The following NCKAP5 variants were observed in gnomAD, a reference collection of about 807,000 sequenced individuals.
The protein encoded by NCKAP5 is NCK associated protein 5, also known as nck-associated protein 5.
In NCKAP5, 92 loss-of-function variants were observed where a neutral mutation model predicts 167.0. The observed-to-expected ratio is 0.55, with a 90% CI of 0.47 to 0.66. The LOEUF is 0.66. Among genes scored for constraint, NCKAP5 ranks in the 30% least tolerant of loss-of-function variants. The probability of loss-of-function intolerance (pLI) is 0.00; values close to 1 mark genes in which losing one functional copy is unlikely to be tolerated. For missense variants in NCKAP5, 2,378 were observed against 2,315.0 expected, an observed-to-expected ratio of 1.03 and a Z score of -0.56; for synonymous variants, 891 against 877.4, an observed-to-expected ratio of 1.02 and a Z score of -0.27.
At position 132,932,986 on chromosome 2, in the gene NCKAP5, A is replaced by G. The variant is rs554098967; in HGVS notation, c.579+30734T>C. Among the ~76,000 whole-genome samples the G allele has an allele frequency of 3.5e-5, 5 of 143,022 alleles. No homozygotes were observed. In the South Asian group the frequency reaches 6.7e-4, roughly 19 times the overall value. 93.8% of individuals were successfully genotyped at this position (143,022 alleles called of 152,430 possible). A position where few individuals can be genotyped will look rare whatever the true frequency, so the allele number is the denominator to read the frequency against. The stretch of plus-strand genomic sequence containing the variant: ...GTTGCCCAGGCTGGAGTGCAGTGGA[A>G]CGATCTCGGCTCACTGCAAGCTCCG... On this transcript the variant is annotated intron_variant, in intron 8 of 19. Transcript: ENST00000409261.
At chr2:133,227,456 T>A (rs1428154866) in intron 4 of NCKAP5, among the ~76,000 whole-genome samples, 1 of 152,204 alleles carries the variant, frequency 6.6e-6, no homozygotes, top group Non-Finnish European at 1.5e-5. Context: ...GGCTGCCCCA[T>A]TATTGGAGCA....
intron 11 of NCKAP5, among the ~76,000 whole-genome samples, chr2:132,830,705 G>T (rs16842050): frequency 0.17 from 25,356 of 152,118 alleles, 2,547 homozygotes; most frequent in East Asian, 0.29. Context: ...CCTTCTGACC[G>T]ATCACTTCCT....
At chr2:133,127,774 G>T (rs1341030454) in intron 6 of NCKAP5, among the ~76,000 whole-genome samples, 3 of 152,142 alleles carry the variant, frequency 2.0e-5, no homozygotes, top group Non-Finnish European at 4.4e-5. Context: ...TGGAGGGGTG[G>T]ATCTATTATT....
Position 133,224,076 on chromosome 2 carries a change from G to A in NCKAP5, c.144-10297C>T, listed in dbSNP as rs191574801. The stretch of plus-strand genomic sequence containing the variant: ...TTCTGGAGCTCCTGGAAAATAAAAC[G>A]TAGCCCTCTACATCCTTATCCTATA... On this transcript the variant is annotated intron_variant, in intron 4 of 19. Transcript: ENST00000409261. Among the ~76,000 whole-genome samples the A allele has an allele frequency of 1.2e-3, 186 of 152,236 alleles. 1 individual carries two copies. Among genetic ancestry groups the A allele is most frequent in the African/African-American group, 3.9e-3 (162 of 41,560 alleles).
rs751937684 is a variant in NCKAP5 at position 132,782,491 on chromosome 2, G to A, written c.4320C>T (p.Ser1440=). ...CAGAAGTTTCTAGCTTGGATGTACT[G>A]CTTGTTTCAAAAGTGCTTGGATGCT... ...RTQHPSTFET[S]STSKLETSGR... Residue 1440 remains serine (S), a synonymous_variant, in exon 14 of 20, where the codon AGC becomes AGT. Coordinates refer to ENST00000409261, the MANE Select transcript of NCKAP5 (RefSeq NM_207363.3). 20 of 1,609,904 alleles carry A rather than the reference G, an allele frequency of 1.2e-5. No individual in the cohort carries two copies. Among genetic ancestry groups the A allele is most frequent in the Non-Finnish European group, 1.7e-5 (20 of 1,178,220 alleles).
At chr2:132,903,179 C>A (rs1693761246) in intron 8 of NCKAP5, among the ~76,000 whole-genome samples, 1 of 152,178 alleles carries the variant, frequency 6.6e-6, no homozygotes, top group Non-Finnish European at 1.5e-5. Flanking sequence ...GCTCCCACCC[C>A]CCTTGCCACA....
At chr2:133,231,888 T>C (rs1325040754) in intron 4 of NCKAP5, among the ~76,000 whole-genome samples, 1 of 152,238 alleles carries the variant, frequency 6.6e-6, no homozygotes, top group Non-Finnish European at 1.5e-5. Context: ...TTTAATTTTA[T>C]GCTAGTCATT....
intron 3 of NCKAP5, among the ~76,000 whole-genome samples, chr2:133,333,282 C>G (rs1296555652): frequency 6.6e-6 from 1 of 152,126 alleles, no homozygotes; most frequent in Non-Finnish European, 1.5e-5. Flanking sequence ...TTTTCTCCCT[C>G]TTTTTTAGAT....
the NCKAP5 span, among the ~76,000 whole-genome samples, chr2:133,623,428 A>G: frequency 6.6e-6 from 1 of 152,204 alleles, no homozygotes; most frequent in African/African-American, 2.4e-5. Flanking sequence ...TCCAGAATCC[A>G]CAAAGAACTC....
At chr2:132,927,974 T>C (rs1258743108) in intron 8 of NCKAP5, among the ~76,000 whole-genome samples, 2 of 152,186 alleles carry the variant, frequency 1.3e-5, no homozygotes, top group East Asian at 3.9e-4. Context: ...CCCTTTCACA[T>C]GTATAAAATA....
chr2:132,821,690 G>A (rs941641923), intron 11 of NCKAP5, among the ~76,000 whole-genome samples: 1 of 152,138 alleles, frequency 6.6e-6, no homozygotes, highest in Non-Finnish European at 1.5e-5. Flanking sequence ...CAAAGTGTGA[G>A]TGGGGAACTG....
chr2:133,382,478 C>T (rs995643958), intron 3 of NCKAP5, among the ~76,000 whole-genome samples: 1 of 152,148 alleles, frequency 6.6e-6, no homozygotes, highest in Non-Finnish European at 1.5e-5. Flanking sequence ...GATCTGACCG[C>T]TGTCTACGTC....
intron 4 of NCKAP5, among the ~76,000 whole-genome samples, chr2:133,230,973 G>C (rs966082295): frequency 6.6e-6 from 1 of 152,122 alleles, no homozygotes; most frequent in South Asian, 2.1e-4. Context: ...GTTTTTAGGG[G>C]ATGCTGCTGC....
intron 8 of NCKAP5, among the ~76,000 whole-genome samples, chr2:132,895,057 C>T (rs190107592): frequency 7.9e-5 from 12 of 152,178 alleles, no homozygotes; most frequent in African/African-American, 2.2e-4. Context: ...AAGGGCCGGG[C>T]GCAGTGGCTC....
chr2:133,313,123 G>C (rs1191024571), intron 3 of NCKAP5, among the ~76,000 whole-genome samples: 1 of 152,132 alleles, frequency 6.6e-6, no homozygotes, highest in Non-Finnish European at 1.5e-5. Context: ...CCTCAGAGTG[G>C]ATTTTATGTT....
intron 1 of NCKAP5, among the ~76,000 whole-genome samples, chr2:133,563,044 T>A (rs1688279298): frequency 6.6e-6 from 1 of 152,136 alleles, no homozygotes; most frequent in South Asian, 2.1e-4. Context: ...CTTGCCAGAG[T>A]GTTCAGACTA....
At chr2:133,523,364 C>G (rs1684630236) in intron 2 of NCKAP5, among the ~76,000 whole-genome samples, 1 of 151,888 alleles carries the variant, frequency 6.6e-6, no homozygotes, top group Non-Finnish European at 1.5e-5. Flanking sequence ...GATCTAGACA[C>G]CACTTTCTCC....
chr2:133,389,639 T>G (rs1687256396), intron 3 of NCKAP5, among the ~76,000 whole-genome samples: 1 of 152,208 alleles, frequency 6.6e-6, no homozygotes, highest in Non-Finnish European at 1.5e-5. Context: ...GATACACCTA[T>G]TTCTAACTTG....
chr2:133,103,635 T>G (rs1385532935), intron 6 of NCKAP5, among the ~76,000 whole-genome samples: 2 of 151,928 alleles, frequency 1.3e-5, no homozygotes, highest in South Asian at 2.1e-4. Context: ...CTCTACAAAG[T>G]TAAAAAATTG....
Sources: allele counts gnomAD v4.1 joint callset (sites outside exome capture counted in the v4.1 genomes callset), GRCh38; gene constraint gnomAD v4.1.1; transcripts MANE v1.5; gene names NCBI Gene and HGNC (gene_info 2026-07-23, HGNC 2026-07-21).